SHCBP1L: variants seen among roughly 807,000 people sequenced by gnomAD.
SHCBP1L encodes testicular spindle-associated protein SHCBP1L.
SHCBP1L carries 67 observed loss-of-function variants against 62.5 expected under a neutral mutation model. That is an observed-to-expected ratio of 1.07 (90% confidence interval 0.88 to 1.31). The LOEUF is 1.31. SHCBP1L is among the 40% of genes most tolerant of loss of function. SHCBP1L has a pLI of 0.00. For synonymous variants in SHCBP1L, 284 were observed against 289.4 expected, an observed-to-expected ratio of 0.98 and a Z score of 0.19; for missense variants, 823 against 809.8, an observed-to-expected ratio of 1.02 and a Z score of -0.20.
At chr1:182,912,661 T>G (rs1214346044) in intron 6 of SHCBP1L, among the ~76,000 whole-genome samples, 1 of 151,906 alleles carries the variant, frequency 6.6e-6, no homozygotes, top group African/African-American at 2.4e-5. Flanking sequence ...TAGCTGAGAT[T>G]ACAGGTGTGC....
At chr1:182,930,598 CATATAT>C (rs1650949601) in intron 5 of SHCBP1L, among the ~76,000 whole-genome samples, 4 of 63,900 alleles carry the variant, frequency 6.3e-5, no homozygotes, top group Admixed American at 1.8e-4. Context: ...TATATATACA[CATATAT>C]ACATATATAT....
At chr1:182,943,314 G>T (rs999770020) in intron 2 of SHCBP1L, among the ~76,000 whole-genome samples, 6 of 146,142 alleles carry the variant, frequency 4.1e-5, no homozygotes, top group African/African-American at 1.5e-4. Flanking sequence ...TACAGACAGG[G>T]TCTCACTATG....
At chr1:182,925,861 G>T (rs1025251187) in intron 6 of SHCBP1L, among the ~76,000 whole-genome samples, 1 of 152,086 alleles carries the variant, frequency 6.6e-6, no homozygotes, top group Admixed American at 6.6e-5. Flanking sequence ...CATACAAAAG[G>T]ATATTATTCA....
chr1:182,908,702 T>C (rs1487138719), intron 6 of SHCBP1L, among the ~76,000 whole-genome samples: 2 of 152,238 alleles, frequency 1.3e-5, no homozygotes, highest in African/African-American at 2.4e-5. Flanking sequence ...CAGATCCTTA[T>C]GTATATCTCT....
intron 6 of SHCBP1L, among the ~76,000 whole-genome samples, chr1:182,918,133 TATATATATACACATATATATACAC>T (rs1238036723): frequency 5.0e-5 from 7 of 140,758 alleles, no homozygotes; most frequent in African/African-American, 1.6e-4. Context: ...CGTGTGTGTG[TATATATATACACATATATATACAC>T]ATATATATAC....
chr1:182,907,024 C>T (rs1378569775), intron 6 of SHCBP1L, among the ~76,000 whole-genome samples: 4 of 151,596 alleles, frequency 2.6e-5, no homozygotes, highest in African/African-American at 7.3e-5. Context: ...CTCTATATTG[C>T]CCAGGCTGGT....
In SHCBP1L at chr1:182,940,386, G is replaced by T; in HGVS notation, c.713C>A (p.Pro238His). Reference protein sequence around the residue: ...EHSVPLLEVYPVEGQDTDIHV... With the variant: ...EHSVPLLEVYHVEGQDTDIHV... ...TATATCAGTATCTTGTCCCTCAACA[G>T]GATACACTTCCAAAAGAGGCACACT... The change falls in exon 3 of 10, where the codon CCT becomes CAT. Residue 238 changes from proline (P) to histidine (H), a missense_variant. By Grantham distance (77) the Pro-to-His change is moderately conservative. Transcript: ENST00000367547. 6.2e-7 allele frequency: 1 copy of T among 1,613,882 alleles called. No individual in the cohort carries two copies. The highest frequency in any genetic ancestry group is 1.1e-5 in the South Asian group (1 of 91,078).
intron 2 of SHCBP1L, among the ~76,000 whole-genome samples, chr1:182,946,448 A>G (rs1047751135): frequency 2.0e-5 from 3 of 151,636 alleles, no homozygotes; most frequent in Admixed American, 2.0e-4. Context: ...AATATTTCAA[A>G]TCTCATTCCT....
intron 5 of SHCBP1L, among the ~76,000 whole-genome samples, chr1:182,936,359 T>C (rs1464080811): frequency 6.6e-6 from 1 of 152,014 alleles, no homozygotes; most frequent in Non-Finnish European, 1.5e-5. Context: ...TGGTCTGGAC[T>C]CCTGACCTCA....
Position 182,899,908 on chromosome 1 carries a change from C to T in SHCBP1L, c.*75G>A, listed in dbSNP as rs571859284. The stretch of plus-strand genomic sequence containing the variant: ...TAATTAAGCTTTGAATTGAAACTAC[C>T]ATTTCAGTGGGGTATGAGAATCATG... On this transcript the variant is annotated 3_prime_UTR_variant, in exon 10 of 10. Transcript: ENST00000367547. 57 of 1,205,950 alleles carry T rather than the reference C, an allele frequency of 4.7e-5. No individual in the cohort carries two copies. The highest frequency in any genetic ancestry group is 5.9e-5 in the Non-Finnish European group (53 of 890,886). The allele number at this position is 1,205,950 out of a possible 1,614,324, so 74.7% of individuals were successfully genotyped here.
intron 6 of SHCBP1L, among the ~76,000 whole-genome samples, chr1:182,924,755 A>G (rs1047584483): frequency 1.8e-5 from 2 of 110,674 alleles, no homozygotes; most frequent in East Asian, 2.6e-4. Context: ...AAAGAAAGAA[A>G]GAAAGAAAGA....
intron 5 of SHCBP1L, among the ~76,000 whole-genome samples, chr1:182,937,061 T>C (rs1296530200): frequency 6.6e-6 from 1 of 151,470 alleles, no homozygotes; most frequent in African/African-American, 2.4e-5. Context: ...CTCAGAAAAA[T>C]AAATAAATAA....
intron 6 of SHCBP1L, among the ~76,000 whole-genome samples, chr1:182,926,971 T>C (rs931698159): frequency 3.3e-5 from 5 of 149,490 alleles, no homozygotes; most frequent in African/African-American, 1.2e-4. Flanking sequence ...AAATAATTGG[T>C]TGAAAATCAC....
At chr1:182,928,649 A>G (rs558533519) in intron 6 of SHCBP1L, among the ~76,000 whole-genome samples, 20 of 152,272 alleles carry the variant, frequency 1.3e-4, no homozygotes, top group African/African-American at 4.8e-4. Context: ...AATATGAACA[A>G]GATAACTCCC....
At chr1:182,952,155 CCAAAAAAAAA>C (rs1651765374) in intron 1 of SHCBP1L, among the ~76,000 whole-genome samples, 1 of 19,076 alleles carries the variant, frequency 5.2e-5, no homozygotes, top group African/African-American at 1.6e-4. Flanking sequence ...AACTCCGTCT[CCAAAAAAAAA>C]AAAAAAAAAA....
intron 6 of SHCBP1L, among the ~76,000 whole-genome samples, chr1:182,909,527 A>G (rs1650114510): frequency 6.6e-6 from 1 of 152,232 alleles, no homozygotes; most frequent in Admixed American, 6.5e-5. Flanking sequence ...GAGGAAGTAC[A>G]GTTGACCCTT....
chr1:182,941,657 G>A (rs1651369374), intron 2 of SHCBP1L, among the ~76,000 whole-genome samples: 1 of 152,158 alleles, frequency 6.6e-6, no homozygotes, highest in African/African-American at 2.4e-5. Flanking sequence ...AATTCTGACA[G>A]GGAGAGCCAT....
chr1:182,906,478 T>C (rs771149323), intron 6 of SHCBP1L, among the ~76,000 whole-genome samples: 9 of 150,994 alleles, frequency 6.0e-5, no homozygotes, highest in Non-Finnish European at 1.2e-4. Flanking sequence ...GTCACCCAGG[T>C]TGGTGTGCAA....
chr1:182,929,865 T>C (rs1023095195), intron 5 of SHCBP1L, 113 bp from the exon 6 acceptor site: 7 of 688,968 alleles, frequency 1.0e-5, no homozygotes, highest in African/African-American at 1.9e-5. Flanking sequence ...TTTTCATCAA[T>C]TATAAGTTCC....
Sources: gnomAD v4.1 joint callset for allele counts (sites outside exome capture counted in the v4.1 genomes callset) on GRCh38, gnomAD v4.1.1 for gene constraint, MANE v1.5 for transcripts, NCBI Gene and HGNC (gene_info 2026-07-23, HGNC 2026-07-21) for gene names.